Variants in CACNB2 observed in about 807,000 individuals in gnomAD.
CACNB2 encodes the protein calcium voltage-gated channel auxiliary subunit beta 2, also known as voltage-dependent L-type calcium channel subunit beta-2.
CACNB2 carries 42 observed loss-of-function variants against 73.3 expected under a neutral mutation model. The ratio of observed to expected loss-of-function variants is 0.57; its 90% CI spans 0.45 to 0.74. CACNB2 has a LOEUF of 0.74. CACNB2 is among the 30% of genes least tolerant of loss of function. CACNB2 has a pLI of 0.00. For synonymous variants in CACNB2, 348 were observed against 310.3 expected (o/e 1.12, Z -1.28); for missense variants, 940 against 853.0 (o/e 1.10, Z -1.27).
chr10:18,154,095 A>G (rs1222290495), intron 2 of CACNB2, among the ~76,000 whole-genome samples: 1 of 151,964 alleles, frequency 6.6e-6, no homozygotes, highest in Non-Finnish European at 1.5e-5. Flanking sequence ...CCCTTTGATT[A>G]AAAATAGTTC....
At chr10:18,448,747 G>C (rs554568630) in intron 3 of CACNB2, among the ~76,000 whole-genome samples, 1 of 152,290 alleles carries the variant, frequency 6.6e-6, no homozygotes, top group East Asian at 1.9e-4. Context: ...GCAGGTCAAG[G>C]TGTGCCCTGG....
At chr10:18,220,059 C>T (rs1257957596) in intron 2 of CACNB2, among the ~76,000 whole-genome samples, 1 of 142,018 alleles carries the variant, frequency 7.0e-6, no homozygotes, top group Non-Finnish European at 1.5e-5. Context: ...GAGCCACCAC[C>T]CCTGGCCAAA....
chr10:18,306,524 TGA>T (rs1392760197), intron 2 of CACNB2, among the ~76,000 whole-genome samples: 1 of 151,998 alleles, frequency 6.6e-6, no homozygotes, highest in East Asian at 1.9e-4. Context: ...GAAGGCAATG[TGA>T]GAGAGGCAGA....
intron 2 of CACNB2, among the ~76,000 whole-genome samples, chr10:18,275,260 G>C (rs2038231327): frequency 1.3e-5 from 2 of 152,132 alleles, no homozygotes; most frequent in Admixed American, 6.5e-5. Context: ...GGCCTCTGAT[G>C]GGTCAGATTT....
At chr10:18,495,875 G>A (rs984014230) in intron 3 of CACNB2, among the ~76,000 whole-genome samples, 1 of 151,976 alleles carries the variant, frequency 6.6e-6, no homozygotes, top group African/African-American at 2.4e-5. Context: ...TGTTTCAGTT[G>A]TACAGGTAAA....
chr10:18,346,480 T>C (rs960439135), intron 2 of CACNB2, among the ~76,000 whole-genome samples: 1 of 151,994 alleles, frequency 6.6e-6, no homozygotes, highest in African/African-American at 2.4e-5. Flanking sequence ...AGGGATCTGC[T>C]AGTATTTTGA....
intron 5 of CACNB2, 63 bp downstream of exon 5, chr10:18,501,011 G>C: frequency 6.9e-7 from 1 of 1,452,928 alleles, no homozygotes; most frequent in South Asian, 1.1e-5. Context: ...GTGTACTGTT[G>C]TCTGCTGTAT....
intron 7 of CACNB2, chr10:18,515,058 G>T: frequency 1.3e-6 from 2 of 1,595,972 alleles, no homozygotes; most frequent in Non-Finnish European, 1.7e-6. Flanking sequence ...TTTTCCTATT[G>T]TCATATATAA....
At chr10:18,390,235 C>T (rs117369996) in intron 2 of CACNB2, among the ~76,000 whole-genome samples, 5,451 of 152,286 alleles carry the variant, frequency 0.036, 152 homozygotes, top group Middle Eastern at 0.071. Flanking sequence ...TTTCTTGAGA[C>T]GGAGTCTCAC....
At chr10:18,221,821 A>G (rs898315560) in intron 2 of CACNB2, among the ~76,000 whole-genome samples, 9 of 152,350 alleles carry the variant, frequency 5.9e-5, no homozygotes, top group Admixed American at 4.6e-4. Context: ...CTTTTTATCC[A>G]TGGAAACCAA....
At chr10:18,398,980 TAATG>T (rs2043853314) in intron 2 of CACNB2, among the ~76,000 whole-genome samples, 1 of 152,306 alleles carries the variant, frequency 6.6e-6, no homozygotes, top group African/African-American at 2.4e-5. Context: ...TATTTTAAAA[TAATG>T]AATGAGACCG....
chr10:18,540,064 C>G lies in CACNB2; in HGVS notation c.*340C>G. On this transcript the variant is annotated 3_prime_UTR_variant, in exon 14 of 14. Coordinates refer to ENST00000324631, the MANE Select transcript of CACNB2 (RefSeq NM_201596.3). ...AAATGTAGTTGATGTATCCAACAAG[C>G]CAGAATCAGCACAGATAAAAAGTGG... 4.1e-6 allele frequency: 1 copy of G among 246,762 alleles called. No homozygotes were observed. Among genetic ancestry groups the G allele is most frequent in the Non-Finnish European group, 7.9e-6 (1 of 126,166 alleles). 15.3% of individuals were successfully genotyped at this position (246,762 alleles called of 1,614,324 possible).
At chr10:18,252,028 A>T (rs904442090) in intron 2 of CACNB2, among the ~76,000 whole-genome samples, 2 of 152,258 alleles carry the variant, frequency 1.3e-5, no homozygotes, top group Non-Finnish European at 2.9e-5. Flanking sequence ...AATAATGCTC[A>T]CTGGGTGCCT....
chr10:18,141,074 A>G, intron 1 of CACNB2: 1 of 1,548,202 alleles, frequency 6.5e-7, no homozygotes, highest in African/African-American at 1.4e-5. Flanking sequence ...GCTTCCGAAA[A>G]GCCAGTGGGG....
chr10:18,326,758 ACT>A (rs1344356100), intron 2 of CACNB2, among the ~76,000 whole-genome samples: 3 of 152,074 alleles, frequency 2.0e-5, no homozygotes, highest in Non-Finnish European at 4.4e-5. Flanking sequence ...ACAGGGTCTC[ACT>A]CTGTTGCCCA....
intron 2 of CACNB2, among the ~76,000 whole-genome samples, chr10:18,220,544 G>T (rs1055201237): frequency 9.2e-5 from 14 of 151,790 alleles, no homozygotes; most frequent in Non-Finnish European, 1.0e-4. Context: ...TTACAGGTGT[G>T]AGCCACCGCA....
At chr10:18,280,377 G>T (rs1257188540) in intron 2 of CACNB2, among the ~76,000 whole-genome samples, 1 of 152,080 alleles carries the variant, frequency 6.6e-6, no homozygotes, top group African/African-American at 2.4e-5. Context: ...TGAAATTGAG[G>T]CACAAGGGCA....
chr10:18,253,968 C>T (rs1445787254), intron 2 of CACNB2, among the ~76,000 whole-genome samples: 3 of 152,114 alleles, frequency 2.0e-5, no homozygotes, highest in African/African-American at 7.2e-5. Flanking sequence ...AGAAACTAAG[C>T]AAATTTACAT....
chr10:18,315,831 A>G (rs1409012514), intron 2 of CACNB2, among the ~76,000 whole-genome samples: 1 of 152,216 alleles, frequency 6.6e-6, no homozygotes, highest in Admixed American at 6.5e-5. Context: ...TACTCCCACC[A>G]TGGACAACTT....
Sources: gnomAD v4.1 joint callset for allele counts (sites outside exome capture counted in the v4.1 genomes callset) on GRCh38, gnomAD v4.1.1 for gene constraint, MANE v1.5 for transcripts, NCBI Gene and HGNC (gene_info 2026-07-23, HGNC 2026-07-21) for gene names.